TNC: variants seen among roughly 807,000 people sequenced by gnomAD.
TNC encodes tenascin.
TNC carries 109 observed loss-of-function variants against 202.4 expected under a neutral mutation model. The ratio of observed to expected loss-of-function variants is 0.54; its 90% confidence interval spans 0.46 to 0.63. The LOEUF is 0.63. Ranked by LOEUF, TNC falls within the 30% of genes least tolerant of loss-of-function variation. The pLI is 0.00. For missense variants in TNC, 2,756 were observed against 2,833.3 expected (o/e 0.97, Z 0.62); for synonymous variants, 1,007 against 1,089.7 (o/e 0.92, Z 1.50).
At position 115,041,307 on chromosome 9, in the gene TNC, G is replaced by GC. The variant is rs150638560; in HGVS notation, c.5249-224_5249-223insG. Among the ~76,000 whole-genome samples the GC allele has an allele frequency of 0.14, 20,186 of 145,222 alleles. 1,776 individuals are homozygous for GC. Among genetic ancestry groups the GC allele is most frequent in the Non-Finnish European group, 0.16 (10,880 of 66,014 alleles). On this transcript the variant is annotated intron_variant, in intron 18 of 27. Coordinates refer to ENST00000350763, the MANE Select transcript of TNC (RefSeq NM_002160.4). ...AGATGCCAAAAACAAAGCCAGGAGGGGCGGGGGAAAACATGAAGTCACAAC... is the reference window on the plus strand; with the variant it reads ...AGATGCCAAAAACAAAGCCAGGAGGGCGCGGGGGAAAACATGAAGTCACAAC...
In TNC at chr9:115,035,951, C is replaced by A. The variant is rs969015297; in HGVS notation, c.5656+147G>T. 3.0e-5 allele frequency: 27 copies of A among 904,414 alleles called. 1 individual carries two copies. The South Asian group carries it at 4.3e-4, about 15-fold the overall frequency. The allele number at this position is 904,414 out of a possible 1,614,324, so 56.0% of individuals were successfully genotyped here. On this transcript the variant is annotated intron_variant, in intron 21 of 27. Coordinates refer to ENST00000350763, the MANE Select transcript of TNC (RefSeq NM_002160.4). ...TTTCTTCAGGCCTTGACTGAGTGGG[C>A]ACTGGTGAATTTAAGTGATGCTGAT...
At chr9:115,033,528 GATA>G (rs1285134726) in intron 22 of TNC, among the ~76,000 whole-genome samples, 2 of 152,290 alleles carry the variant, frequency 1.3e-5, no homozygotes, top group African/African-American at 4.8e-5. Context: ...CTTAAAGATG[GATA>G]AGTCCAAGGC....
intron 1 of TNC, among the ~76,000 whole-genome samples, chr9:115,117,052 G>A (rs575308769): frequency 3.3e-5 from 5 of 152,266 alleles, no homozygotes; most frequent in African/African-American, 9.6e-5. Context: ...TCCTCAAAAC[G>A]ACAGCAGACG....
intron 6 of TNC, 63 bp from the exon 7 acceptor site, chr9:115,078,275 G>A (rs1834037406): frequency 1.8e-5 from 28 of 1,523,436 alleles, no homozygotes; most frequent in Non-Finnish European, 2.5e-5. Context: ...GCTTAGCAGA[G>A]AGAGGACTTT....
In TNC at chr9:115,026,693, G is replaced by C. The variant is rs373917262; in HGVS notation, c.6172C>G (p.Leu2058Val). The C allele has an allele frequency of 1.1e-5, 18 of 1,613,678 alleles. No homozygotes were observed. Among genetic ancestry groups the C allele is most frequent in the Non-Finnish European group, 1.5e-5 (18 of 1,179,870 alleles). The part of the protein sequence containing the change: ...GDRREEFWLG[L>V]DNLNKITAQG... ...GCTGTGATTTTGTTCAGGTTGTCCA[G>C]CCCTGTGGATGACAGGCAAGGGTTG... Residue 2058 changes from leucine (L) to valine (V), a missense_variant and splice_region_variant, in exon 26 of 28, where the codon CTG (leucine) becomes GTG (valine). Leu to Val is a conservative substitution (Grantham distance 32). Around this residue, in one of 2 missense-constraint regions of TNC, gnomAD observed 197 missense variants for 287.3 expected, o/e 0.69. Transcript: ENST00000350763.
At position 115,024,238 on chromosome 9, in the gene TNC, G is replaced by A. The variant is rs1034983513; in HGVS notation, c.6332-102C>T. The stretch of plus-strand genomic sequence containing the variant: ...AGGTGACAATTGAAAGGTTCTGGGT[G>A]TGGGACTGGCCTTGAACATTGATCC... On this transcript the variant is annotated intron_variant, in intron 26 of 27. Coordinates refer to ENST00000350763, the MANE Select transcript of TNC (RefSeq NM_002160.4). 10 of 1,260,078 alleles carry A rather than the reference G, an allele frequency of 7.9e-6. No homozygotes were observed. The Middle Eastern group carries it at 1.3e-3, about 164-fold the overall frequency. The allele number at this position is 1,260,078 out of a possible 1,614,324, so 78.1% of individuals were successfully genotyped here. A position where few individuals can be genotyped will look rare whatever the true frequency, so the allele number is the denominator to read the frequency against.
At chr9:115,026,187 G>C (rs996307487) in intron 26 of TNC, among the ~76,000 whole-genome samples, 3 of 152,146 alleles carry the variant, frequency 2.0e-5, no homozygotes, top group African/African-American at 7.2e-5. Context: ...ATTGAGAAGT[G>C]CTGGATTGGA....
rs912347976 is a variant in TNC, at chr9:115,076,406, G to T, written c.2844C>A (p.Thr948=). 4.3e-6 allele frequency: 7 copies of T among 1,614,110 alleles called. No homozygotes were observed. Among genetic ancestry groups the T allele is most frequent in the Non-Finnish European group, 5.9e-6 (7 of 1,179,998 alleles). Residue 948 remains threonine, a synonymous_variant, in exon 8 of 28, where the codon ACC becomes ACA. Transcript: ENST00000350763. ...AGAGCTCACCTGTGAGTGTGGTTTT[G>T]GTTGTGGCTTGTTGGCTCTTTGGAA... ...VDVPKSQQAT[T]KTTLTGLRPG...
rs114480314 is a variant in TNC at position 115,070,522 on chromosome 9, C to T, written c.3214+3081G>A. On this transcript the variant is annotated intron_variant, in intron 10 of 27. Transcript: ENST00000350763. ...TGTAACCCATGGCTGGGTCTTTGGG[C>T]GAGAGGTGTGATAGGTGGCCAGGTT... Among the ~76,000 whole-genome samples the T allele has an allele frequency of 8.0e-3, 1,211 of 152,234 alleles. 12 individuals are homozygous for T. The highest frequency in any genetic ancestry group is 0.028 in the African/African-American group (1,172 of 41,522).
intron 10 of TNC, among the ~76,000 whole-genome samples, chr9:115,065,405 A>AT (rs1349040425): frequency 2.0e-5 from 3 of 151,688 alleles, no homozygotes; most frequent in African/African-American, 4.9e-5. Context: ...CAAAACAAAC[A>AT]AACAAAAAAT....
At chr9:115,098,642 A>G (rs1272784846) in intron 1 of TNC, among the ~76,000 whole-genome samples, 1 of 152,222 alleles carries the variant, frequency 6.6e-6, no homozygotes, top group Non-Finnish European at 1.5e-5. Context: ...ACTTAAGCAC[A>G]TACATGAAAT....
intron 1 of TNC, among the ~76,000 whole-genome samples, chr9:115,113,191 T>C (rs931652057): frequency 1.3e-5 from 2 of 152,160 alleles, no homozygotes; most frequent in African/African-American, 4.8e-5. Context: ...TTAGCTTTGC[T>C]GTGTCTAGCC....
In TNC at chr9:115,085,846, C is replaced by T. The variant is rs1834669008; in HGVS notation, c.1867+18G>A. The T allele has an allele frequency of 6.3e-7, 1 of 1,589,206 alleles. No homozygotes were observed. Among genetic ancestry groups the T allele is most frequent in the South Asian group, 1.1e-5 (1 of 88,898 alleles). On this transcript the variant is annotated intron_variant, in intron 3 of 27. Transcript: ENST00000350763. ...TCCATCATGGCCATTATATGCTGGTCTGCGCCCTGGCACTCACCCTCTGAG... is the reference window on the plus strand; with the variant it reads ...TCCATCATGGCCATTATATGCTGGTTTGCGCCCTGGCACTCACCCTCTGAG...
At chr9:115,024,591 C>A (rs538150288) in intron 26 of TNC, among the ~76,000 whole-genome samples, 28 of 152,270 alleles carry the variant, frequency 1.8e-4, no homozygotes, top group Non-Finnish European at 3.7e-4. Flanking sequence ...TTTCTGCATT[C>A]CCTTTCTATA....
At chr9:115,038,083 C>T (rs568052525) in intron 20 of TNC, among the ~76,000 whole-genome samples, 178 bp downstream of exon 20, 2 of 152,228 alleles carry the variant, frequency 1.3e-5, no homozygotes, top group African/African-American at 4.8e-5. Flanking sequence ...TTTTAAATGA[C>T]CTACCAGACT....
At position 115,078,117 on chromosome 9, in the gene TNC, C is replaced by T. The variant is rs1417554326; in HGVS notation, c.2500G>A (p.Glu834Lys). 1.9e-6 allele frequency: 3 copies of T among 1,614,186 alleles called. No individual in the cohort carries two copies. The highest frequency in any genetic ancestry group is 2.2e-5 in the South Asian group (2 of 91,082). Reference protein sequence around the residue: ...FKPLAEIDGIELTYGIKDVPG... With the variant: ...FKPLAEIDGIKLTYGIKDVPG... ...ACGTCTTTGATGCCGTAGGTCAGCT[C>T]AATGCCATCGATCTCAGCCAGGGGC... Residue 834 changes from glutamate to lysine, a missense_variant, in exon 7 of 28, where the codon GAG becomes AAG. Transcript: ENST00000350763.
Position 115,084,385 on chromosome 9 carries a change from T to C in TNC, c.1955A>G (p.Tyr652Cys). 6.2e-7 allele frequency: 1 copy of C among 1,614,174 alleles called. No individual in the cohort carries two copies. Among genetic ancestry groups the C allele is most frequent in the Non-Finnish European group, 8.5e-7 (1 of 1,180,026 alleles). The part of the protein sequence containing the change: ...AWDNEMRVTE[Y>C]LVVYTPTHEG... Reference sequence around the variant, plus strand: ...GTGGGTGGGCGTGTACACGACAAGGTACTCTGTGACCCGCATCTCATTGTC... The same window carrying C: ...GTGGGTGGGCGTGTACACGACAAGGCACTCTGTGACCCGCATCTCATTGTC... Residue 652 changes from tyrosine to cysteine, a missense_variant, in exon 4 of 28, where the codon TAC (tyrosine) becomes TGC (cysteine). Around this residue, in one of 2 missense-constraint regions of TNC, gnomAD observed 2,559 missense variants for 2,546.0 expected, o/e 1.01. Coordinates refer to ENST00000350763, the MANE Select transcript of TNC (RefSeq NM_002160.4).
At chr9:115,102,161 G>A (rs1312497704) in intron 1 of TNC, among the ~76,000 whole-genome samples, 1 of 152,124 alleles carries the variant, frequency 6.6e-6, no homozygotes, top group Non-Finnish European at 1.5e-5. Flanking sequence ...ATGGAGTCAG[G>A]ATTTGAACCA....
chr9:115,104,516 A>G (rs535870702), intron 1 of TNC, among the ~76,000 whole-genome samples: 1 of 152,150 alleles, frequency 6.6e-6, no homozygotes, highest in Non-Finnish European at 1.5e-5. Context: ...CTTAAGACCA[A>G]TTTCTACTTA....
Sources: gnomAD v4.1 joint callset for allele counts (sites outside exome capture counted in the v4.1 genomes callset) on GRCh38, gnomAD v4.1.1 for gene constraint, gnomAD v4.1.1 regional missense constraint, MANE v1.5 for transcripts, NCBI Gene and HGNC (gene_info 2026-07-23, HGNC 2026-07-21) for gene names.